MFAP5: variants seen among roughly 807,000 people sequenced by gnomAD.
The protein encoded by MFAP5 is microfibril associated protein 5.
MFAP5 carries 19 observed loss-of-function variants against 30.1 expected under a neutral mutation model. The ratio of observed to expected loss-of-function variants is 0.63; its 90% CI spans 0.44 to 0.93. The LOEUF is 0.93. Among genes scored for constraint, MFAP5 ranks in the 40% least tolerant of loss-of-function variants. MFAP5 has a pLI of 0.00. For missense variants in MFAP5, 210 were observed against 221.3 expected, an observed-to-expected ratio of 0.95 and a Z score of 0.32; for synonymous variants, 92 against 72.9, an observed-to-expected ratio of 1.26 and a Z score of -1.33.
intron 3 of MFAP5, 85 bp from the exon 4 acceptor site, chr12:8,655,915 T>C (rs1591571644): frequency 1.6e-6 from 2 of 1,231,098 alleles, no homozygotes; most frequent in South Asian, 1.2e-5. Flanking sequence ...TTGCGAAGCA[T>C]AGTGCCCAGC....
At chr12:8,649,788 A>G (rs1941783755) in intron 8 of MFAP5, among the ~76,000 whole-genome samples, 1 of 152,176 alleles carries the variant, frequency 6.6e-6, no homozygotes, top group Non-Finnish European at 1.5e-5. Flanking sequence ...TGTTTTTTAA[A>G]TTTTATTTCA....
intron 8 of MFAP5, 123 bp downstream of exon 8, chr12:8,650,379 G>T: frequency 3.7e-6 from 3 of 806,340 alleles, no homozygotes; most frequent in Non-Finnish European, 6.3e-6. Context: ...TAACTAGGAG[G>T]GTTGTGCTAA....
Position 8,661,462 on chromosome 12 carries a change from AC to A in MFAP5, c.59-565del, listed in dbSNP as rs751225539. ...ATATTTTTTGCATGCATGTGAGTAT[AC>A]CTGCATGCATGATGGTAATAGTGTA... On this transcript the variant is annotated intron_variant, in intron 2 of 9. Transcript: ENST00000359478. 1.8e-3 allele frequency among the ~76,000 whole-genome samples: 276 copies of A among 151,990 alleles called. 1 individual carries two copies. The highest frequency in any genetic ancestry group is 6.4e-3 in the African/African-American group (265 of 41,434).
chr12:8,662,184 C>T, intron 1 of MFAP5, 78 bp from the exon 2 acceptor site: 1 of 1,188,258 alleles, frequency 8.4e-7, no homozygotes, highest in Non-Finnish European at 1.2e-6. Flanking sequence ...AAAGATGCCT[C>T]TGAGGTCCCT....
In MFAP5 at chr12:8,655,369, T is replaced by G. The variant is rs367689533; in HGVS notation, c.172+46A>C. The G allele has an allele frequency of 3.2e-4, 479 of 1,481,134 alleles. 1 individual carries two copies. The highest frequency in any genetic ancestry group is 4.1e-4 in the Non-Finnish European group (449 of 1,082,360). The allele number at this position is 1,481,134 out of a possible 1,614,324, so 91.7% of individuals were successfully genotyped here. A position where few individuals can be genotyped will look rare whatever the true frequency, so the allele number is the denominator to read the frequency against. ...AGAGCTGGAATAAATATTGTGAATA[T>G]TAACAAGAACCATGCCATTTTTTTT... On this transcript the variant is annotated intron_variant, in intron 5 of 9. Coordinates refer to ENST00000359478, the MANE Select transcript of MFAP5 (RefSeq NM_003480.4).
At chr12:8,651,897 T>G (rs1941848414) in intron 6 of MFAP5, 1 of 550,088 alleles carries the variant, frequency 1.8e-6, no homozygotes, top group East Asian at 3.0e-5. Flanking sequence ...AGGATGGGAT[T>G]TTTTTCCTTT....
intron 3 of MFAP5, 111 bp downstream of exon 3, chr12:8,660,749 CTTT>C (rs35362262): frequency 4.8e-3 from 3,116 of 642,936 alleles, no homozygotes; most frequent in South Asian, 9.5e-3. Flanking sequence ...AGGAAATATT[CTTT>C]TTTTTTTTTT....
At chr12:8,652,824 C>A (rs1326649960) in intron 6 of MFAP5, among the ~76,000 whole-genome samples, 1 of 152,206 alleles carries the variant, frequency 6.6e-6, no homozygotes, top group Non-Finnish European at 1.5e-5. Flanking sequence ...ACTTAATTAT[C>A]TTTCCCTTCA....
At chr12:8,660,310 T>C (rs1942112675) in intron 3 of MFAP5, among the ~76,000 whole-genome samples, 1 of 151,288 alleles carries the variant, frequency 6.6e-6, no homozygotes, top group Admixed American at 6.6e-5. Flanking sequence ...TGCCTCAGCC[T>C]CCTGAGTAGC....
At chr12:8,652,399 C>T (rs954447322) in intron 6 of MFAP5, among the ~76,000 whole-genome samples, 6 of 151,778 alleles carry the variant, frequency 4.0e-5, no homozygotes, top group African/African-American at 1.5e-4. Context: ...GAGCCAAGAT[C>T]GTACCATTGC....
intron 7 of MFAP5, 130 bp downstream of exon 7, chr12:8,651,532 C>T (rs992369116): frequency 1.1e-6 from 1 of 934,176 alleles, no homozygotes; most frequent in South Asian, 1.5e-5. Context: ...GAGTGAAGAA[C>T]ACTAATACTC....
At chr12:8,654,940 C>CAAAAA (rs34739708) in intron 5 of MFAP5, among the ~76,000 whole-genome samples, 16 of 114,660 alleles carry the variant, frequency 1.4e-4, no homozygotes, top group African/African-American at 5.0e-4. Flanking sequence ...GACTCTGTCT[C>CAAAAA]AAAAAAAAAA....
At chr12:8,661,990 A>G in intron 2 of MFAP5, 57 bp downstream of exon 2, 2 of 1,508,842 alleles carry the variant, frequency 1.3e-6, no homozygotes, top group South Asian at 2.3e-5. Context: ...ATCTCCTGCC[A>G]CACACGTGTA....
chr12:8,655,701 T>G, intron 4 of MFAP5, 85 bp downstream of exon 4: 2 of 1,484,992 alleles, frequency 1.3e-6, no homozygotes, highest in Non-Finnish European at 1.8e-6. Flanking sequence ...CCTTCTGAAG[T>G]CTTTATTTTT....
intron 4 of MFAP5, 64 bp downstream of exon 4, chr12:8,655,722 A>C: frequency 6.4e-7 from 1 of 1,552,130 alleles, no homozygotes; most frequent in Non-Finnish European, 8.8e-7. Context: ...CTTTATGTAG[A>C]CATGATCCTT....
intron 9 of MFAP5, 67 bp from the exon 10 acceptor site, chr12:8,648,270 A>T: frequency 7.4e-7 from 1 of 1,354,084 alleles, no homozygotes. Context: ...GTTTTAAGGG[A>T]TAGAGAAGAC....
chr12:8,654,204 A>T, intron 6 of MFAP5: 1 of 428,390 alleles, frequency 2.3e-6, no homozygotes, highest in Non-Finnish European at 4.2e-6. Context: ...TTATACTTTT[A>T]TCTTGCCTTT....
intron 1 of MFAP5, 154 bp downstream of exon 1, chr12:8,662,473 T>A: frequency 4.5e-6 from 1 of 219,940 alleles, no homozygotes; most frequent in Admixed American, 5.2e-5. Context: ...CATCTTGGCG[T>A]CTCCTTCATC....
intron 3 of MFAP5, among the ~76,000 whole-genome samples, chr12:8,656,666 A>T (rs867231309): frequency 0.019 from 2,330 of 121,024 alleles, 86 homozygotes; most frequent in East Asian, 0.038. Flanking sequence ...ATATATATAT[A>T]TATTTTTTTT....
Sources: gnomAD v4.1 joint callset for allele counts (sites outside exome capture counted in the v4.1 genomes callset) on GRCh38, gnomAD v4.1.1 for gene constraint, MANE v1.5 for transcripts, NCBI Gene and HGNC (gene_info 2026-07-23, HGNC 2026-07-21) for gene names.